LAMA2: variants seen among roughly 807,000 people sequenced by gnomAD.
LAMA2 encodes the protein laminin subunit alpha-2.
Under a neutral mutation model 364.8 loss-of-function variants are expected in LAMA2, and 269 were observed. That is an observed-to-expected ratio of 0.74 (90% CI 0.67 to 0.82). The LOEUF (loss-of-function observed/expected upper bound fraction) is 0.82, where lower values mean the gene tolerates loss of function less well. LAMA2 is among the 40% of genes least tolerant of loss of function. LAMA2 has a pLI of 0.00. For synonymous variants in LAMA2, 1,379 were observed against 1,370.6 expected (o/e 1.01, Z -0.14); for missense variants, 3,807 against 3,873.2 (o/e 0.98, Z 0.45).
intron 29 of LAMA2, among the ~76,000 whole-genome samples, chr6:129,338,300 G>A (rs1041667316): frequency 6.6e-6 from 1 of 152,014 alleles, no homozygotes. Context: ...TGTATTTTTG[G>A]CACATTCATC....
At chr6:129,171,534 C>G (rs890655657) in intron 9 of LAMA2, among the ~76,000 whole-genome samples, 3 of 152,054 alleles carry the variant, frequency 2.0e-5, no homozygotes, top group Non-Finnish European at 4.4e-5. Context: ...GAGTTTCTGC[C>G]GAGCGATCTG....
At chr6:129,170,780 A>G (rs1780091149) in intron 9 of LAMA2, among the ~76,000 whole-genome samples, 1 of 151,340 alleles carries the variant, frequency 6.6e-6, no homozygotes, top group African/African-American at 2.4e-5. Flanking sequence ...GGGGTGTTAA[A>G]GTCTCCCATT....
chr6:129,098,031 G>C lies in LAMA2; in HGVS notation c.397-142G>C, dbSNP rs1027954067. ...AATTATTAGATATGAACCTGTAATA[G>C]TAAAATCATTTCAGAGAACATTATA... On this transcript the variant is annotated intron_variant, in intron 3 of 64. Transcript: ENST00000421865. 35 of 1,018,600 alleles carry C rather than the reference G, an allele frequency of 3.4e-5. No individual in the cohort carries two copies. In the African/African-American group the frequency reaches 4.8e-4, roughly 14 times the overall value. 63.1% of individuals were successfully genotyped at this position (1,018,600 alleles called of 1,614,324 possible). A position where few individuals can be genotyped will look rare whatever the true frequency, so the allele number is the denominator to read the frequency against.
Position 129,385,146 on chromosome 6 carries a change from G to GAAAAA in LAMA2, c.5071+1913_5071+1914insAAAAA, listed in dbSNP as rs369644046. ...GAGGGAAGGAAGGGAGGGGAGGGAG[G>GAAAAA]GGAGGGAGGGAGGAAGGAACAGAGG... On this transcript the variant is annotated intron_variant, in intron 35 of 64. Transcript: ENST00000421865. 8.1e-5 allele frequency among the ~76,000 whole-genome samples: 3 copies of GAAAAA among 36,964 alleles called. 1 individual carries two copies. The highest frequency in any genetic ancestry group is 3.3e-4 in the African/African-American group (3 of 9,162). The allele number at this position is 36,964 out of a possible 152,430, so 24.2% of individuals were successfully genotyped here.
intron 1 of LAMA2, among the ~76,000 whole-genome samples, chr6:128,919,099 A>C (rs1778531606): frequency 6.6e-6 from 1 of 151,992 alleles, no homozygotes; most frequent in Non-Finnish European, 1.5e-5. Context: ...ATCACTTTTC[A>C]CTGTGTTCTG....
intron 34 of LAMA2, 139 bp from the exon 35 acceptor site, chr6:129,382,983 G>A (rs1204033416): frequency 2.8e-6 from 2 of 709,086 alleles, no homozygotes; most frequent in Non-Finnish European, 5.1e-6. Context: ...GGCATCATTT[G>A]CAATACATCT....
Position 128,921,986 on chromosome 6 carries a change from C to T in LAMA2, c.112+38629C>T, listed in dbSNP as rs546101401. ...GGTTTTTTGTCCTTGTGATAGTTTA[C>T]TGAGAATGATGATTTCCAGTTTCAT... On this transcript the variant is annotated intron_variant, in intron 1 of 64. Coordinates refer to ENST00000421865, the MANE Select transcript of LAMA2 (RefSeq NM_000426.4). Among the ~76,000 whole-genome samples, 3 of 151,536 alleles carry T rather than the reference C, an allele frequency of 2.0e-5. No individual in the cohort carries two copies. In the South Asian group the frequency reaches 6.3e-4, roughly 32 times the overall value.
intron 45 of LAMA2, among the ~76,000 whole-genome samples, chr6:129,451,319 C>G (rs891679324): frequency 6.6e-6 from 1 of 152,360 alleles, no homozygotes. Flanking sequence ...ATCCAGAAGA[C>G]TGTCTCCCTA....
chr6:129,351,580 T>G (rs1170883402), intron 31 of LAMA2, among the ~76,000 whole-genome samples: 2 of 152,196 alleles, frequency 1.3e-5, no homozygotes, highest in Non-Finnish European at 2.9e-5. Flanking sequence ...ATAAATTTGT[T>G]CCAGTGCTGA....
At chr6:129,155,558 T>C (rs1031197976) in intron 8 of LAMA2, among the ~76,000 whole-genome samples, 3 of 152,090 alleles carry the variant, frequency 2.0e-5, no homozygotes, top group Non-Finnish European at 4.4e-5. Flanking sequence ...AAAACCAAAA[T>C]TTTAACTTAT....
intron 3 of LAMA2, among the ~76,000 whole-genome samples, chr6:129,072,123 G>T (rs1258657648): frequency 6.6e-6 from 1 of 151,946 alleles, no homozygotes; most frequent in Non-Finnish European, 1.5e-5. Context: ...CTCCAGCCTG[G>T]GTGACAGAGC....
intron 1 of LAMA2, among the ~76,000 whole-genome samples, chr6:128,975,550 G>T (rs2114626648): frequency 6.6e-6 from 1 of 152,304 alleles, no homozygotes; most frequent in South Asian, 2.1e-4. Context: ...GTTTGGCTGT[G>T]TCTCCACCCA....
intron 10 of LAMA2, among the ~76,000 whole-genome samples, chr6:129,180,833 C>A (rs1780882073): frequency 6.6e-6 from 1 of 152,058 alleles, no homozygotes. Context: ...CAACTGGGGT[C>A]ATGGGGTGGA....
intron 3 of LAMA2, among the ~76,000 whole-genome samples, chr6:129,062,294 G>A (rs1230622110): frequency 2.0e-5 from 3 of 152,250 alleles, no homozygotes; most frequent in Non-Finnish European, 4.4e-5. Context: ...CTTTAGAAAA[G>A]TTCAGTGACT....
chr6:129,017,410 A>G (rs920076108), intron 1 of LAMA2, among the ~76,000 whole-genome samples: 1 of 152,176 alleles, frequency 6.6e-6, no homozygotes, highest in African/African-American at 2.4e-5. Context: ...GTACATCCAC[A>G]GGTTTGCATA....
At chr6:129,340,092 A>G (rs975792882) in intron 29 of LAMA2, among the ~76,000 whole-genome samples, 2 of 152,160 alleles carry the variant, frequency 1.3e-5, no homozygotes, top group Non-Finnish European at 2.9e-5. Flanking sequence ...GAAAACCTAC[A>G]TATGAGGCCT....
rs770055063 is a variant in LAMA2 at position 129,144,076 on chromosome 6, G to C, written c.815G>C (p.Arg272Thr). ...DPREIDPIVT[R>T]RYYYSVKDIS... ...AGAGAAATTGACCCCATTGTCACCA[G>C]AAGAGTAAGTTATGATGAATCATAT... The change falls in exon 5 of 65, where the codon AGA (arginine) becomes ACA (threonine). Residue 272 changes from arginine to threonine, a missense_variant. Physicochemically the swap from Arg to Thr is moderately conservative, Grantham distance 71. This residue lies in a region of LAMA2 where 394 missense variants were observed against 403.5 expected (regional missense o/e 0.98). Transcript: ENST00000421865. 6.2e-7 allele frequency: 1 copy of C among 1,610,028 alleles called. No homozygotes were observed. The highest frequency in any genetic ancestry group is 8.5e-7 in the Non-Finnish European group (1 of 1,176,818).
intron 21 of LAMA2, 130 bp from the exon 22 acceptor site, chr6:129,300,606 A>T: frequency 1.1e-6 from 1 of 924,826 alleles, no homozygotes; most frequent in Non-Finnish European, 1.7e-6. Flanking sequence ...GTAAGTTTTT[A>T]TTTCCAAATA....
intron 4 of LAMA2, among the ~76,000 whole-genome samples, chr6:129,114,164 A>G (rs569770862): frequency 5.3e-5 from 8 of 152,196 alleles, no homozygotes; most frequent in South Asian, 4.1e-4. Flanking sequence ...ATATTAAAAA[A>G]TCCCAAGAGA....
Sources: allele counts gnomAD v4.1 joint callset (sites outside exome capture counted in the v4.1 genomes callset), GRCh38; gene constraint gnomAD v4.1.1; regional missense constraint gnomAD v4.1.1; transcripts MANE v1.5; gene names NCBI Gene and HGNC (gene_info 2026-07-23, HGNC 2026-07-21).